ANK3: variants seen among roughly 807,000 people sequenced by gnomAD.
ANK3 encodes the protein ankyrin 3.
Under a neutral mutation model 370.9 loss-of-function variants are expected in ANK3, and 57 were observed. The ratio of observed to expected loss-of-function variants is 0.15; its 90% confidence interval spans 0.12 to 0.19. The LOEUF is 0.19. ANK3 is among the 10% of genes least tolerant of loss of function. The probability of loss-of-function intolerance (pLI) is 1.00; values close to 1 mark genes in which losing one functional copy is unlikely to be tolerated. For missense variants in ANK3, 4,439 were observed against 5,302.1 expected, an observed-to-expected ratio of 0.84 and a Z score of 5.06; for synonymous variants, 1,929 against 1,946.3, an observed-to-expected ratio of 0.99 and a Z score of 0.23.
At position 60,226,495 on chromosome 10, in the gene ANK3, AC is replaced by A. The variant is rs1215025635; in HGVS notation, c.897+8192del. On this transcript the variant is annotated intron_variant, in intron 8 of 43. Coordinates refer to ENST00000280772, the MANE Select transcript of ANK3 (RefSeq NM_020987.5). ...GTATATATACTATATATATACATAT[AC>A]TATAGTATATATACATAGTATATAT... 1.7e-3 allele frequency among the ~76,000 whole-genome samples: 152 copies of A among 92,036 alleles called. 2 individuals are homozygous for A. The highest frequency in any genetic ancestry group is 9.5e-3 in the African/African-American group (144 of 15,154). The allele number at this position is 92,036 out of a possible 152,430, so 60.4% of individuals were successfully genotyped here. A position where few individuals can be genotyped will look rare whatever the true frequency, so the allele number is the denominator to read the frequency against.
chr10:60,384,400 T>A (rs2061971016), intron 1 of ANK3, among the ~76,000 whole-genome samples: 1 of 152,260 alleles, frequency 6.6e-6, no homozygotes, highest in African/African-American at 2.4e-5. Flanking sequence ...CGTTTAAAGT[T>A]TCACATGTCT....
chr10:60,163,380 C>G (rs1034245374), intron 23 of ANK3, among the ~76,000 whole-genome samples: 4 of 152,198 alleles, frequency 2.6e-5, no homozygotes, highest in South Asian at 4.1e-4. Flanking sequence ...TAAAACCCTG[C>G]CTTGGACAAA....
At chr10:60,204,638 A>T (rs1259451765) in intron 11 of ANK3, among the ~76,000 whole-genome samples, 1 of 152,186 alleles carries the variant, frequency 6.6e-6, no homozygotes, top group African/African-American at 2.4e-5. Flanking sequence ...ATAGTTAAGC[A>T]TCAGGCATTC....
chr10:60,390,508 C>T (rs563303825), upstream of ANK3, among the ~76,000 whole-genome samples: 132 of 152,230 alleles, frequency 8.7e-4, no homozygotes, highest in Admixed American at 1.5e-3. Flanking sequence ...CCTGAGTTCT[C>T]AATGACTGCA....
At chr10:60,506,006 A>G (rs1264241072) in intron 2 of ANK3, among the ~76,000 whole-genome samples, 1 of 152,094 alleles carries the variant, frequency 6.6e-6, no homozygotes, top group Non-Finnish European at 1.5e-5. Context: ...TTCTCCACCC[A>G]ATTAAGTATT....
intron 42 of ANK3, chr10:60,053,634 T>C (rs1317007757): frequency 7.8e-7 from 1 of 1,287,468 alleles, no homozygotes; most frequent in East Asian, 5.7e-5. Flanking sequence ...CTCTTTGCCA[T>C]GGGTTGCTGC....
At chr10:60,397,139 C>T (rs1320473696) in intron 2 of ANK3, among the ~76,000 whole-genome samples, 3 of 149,596 alleles carry the variant, frequency 2.0e-5, no homozygotes, top group African/African-American at 7.4e-5. Flanking sequence ...AGCAAAGGAT[C>T]TTATCTCTAG....
At chr10:60,564,154 T>C (rs182180999) in intron 2 of ANK3, among the ~76,000 whole-genome samples, 3 of 152,324 alleles carry the variant, frequency 2.0e-5, no homozygotes, top group African/African-American at 4.8e-5. Flanking sequence ...CTACTGACTA[T>C]AAAATGGATA....
At chr10:60,128,744 T>G (rs909482139) in intron 25 of ANK3, among the ~76,000 whole-genome samples, 4 of 152,162 alleles carry the variant, frequency 2.6e-5, no homozygotes, top group Admixed American at 6.5e-5. Context: ...ATAAACAACT[T>G]AATACTGCTA....
chr10:60,348,274 T>C (rs117704797), intron 1 of ANK3, among the ~76,000 whole-genome samples: 3,639 of 148,624 alleles, frequency 0.024, 64 homozygotes, highest in Non-Finnish European at 0.037. Flanking sequence ...CACAGAAACC[T>C]GCTGGGATGT....
intron 1 of ANK3, among the ~76,000 whole-genome samples, chr10:60,303,781 G>A (rs2044341634): frequency 6.6e-6 from 1 of 152,072 alleles, no homozygotes; most frequent in Admixed American, 6.6e-5. Context: ...AGAGATATTT[G>A]CACTCCTGTG....
chr10:60,331,600 C>G (rs893210474), intron 1 of ANK3, among the ~76,000 whole-genome samples: 1 of 151,186 alleles, frequency 6.6e-6, no homozygotes, highest in Non-Finnish European at 1.5e-5. Flanking sequence ...AAAAGACTCT[C>G]ATTGCAGCGA....
At chr10:60,677,253 A>G (rs1048233921) in intron 1 of ANK3, among the ~76,000 whole-genome samples, 1 of 152,192 alleles carries the variant, frequency 6.6e-6, no homozygotes, top group Non-Finnish European at 1.5e-5. Context: ...GAACTGAATG[A>G]CCACAATTTA....
intron 7 of ANK3, among the ~76,000 whole-genome samples, chr10:60,254,409 C>A (rs1289170686): frequency 6.6e-6 from 1 of 152,124 alleles, no homozygotes; most frequent in East Asian, 1.9e-4. Context: ...AGGAGTTTGC[C>A]ACACTCTTAC....
rs2094820791 is a variant in ANK3 at position 60,146,319 on chromosome 10, T to A, written c.2615-7232A>T. Among the ~76,000 whole-genome samples the A allele has an allele frequency of 2.0e-5, 3 of 152,168 alleles. No homozygotes were observed. The South Asian group carries it at 6.2e-4, about 32-fold the overall frequency. On this transcript the variant is annotated intron_variant, in intron 23 of 43. Coordinates refer to ENST00000280772, the MANE Select transcript of ANK3 (RefSeq NM_020987.5). ...GCTATTAATGTGGTACTTCTAGTAG[T>A]TTCAGGGGTACGTGTGCAGGTTTGT...
chr10:60,071,023 C>T lies in ANK3; in HGVS notation c.9858G>A (p.Leu3286=), dbSNP rs1388858137. ...EKEVDMIEVN[L]QDEHDKYQLA... ...GCTGGTACTTGTCATGCTCATCTTG[C>T]AGATTGACTTCAATCATGTCAACCT... is the stretch of plus-strand genomic sequence containing the variant. The change falls in exon 37 of 44, where the codon CTG becomes CTA. Residue 3286 remains leucine (L), a synonymous_variant. Coordinates refer to ENST00000280772, the MANE Select transcript of ANK3 (RefSeq NM_020987.5). 6.2e-7 allele frequency: 1 copy of T among 1,614,104 alleles called. No individual in the cohort carries two copies. The highest frequency in any genetic ancestry group is 1.1e-5 in the South Asian group (1 of 91,090).
At chr10:60,482,968 T>C (rs2075262491) in intron 2 of ANK3, among the ~76,000 whole-genome samples, 1 of 152,226 alleles carries the variant, frequency 6.6e-6, no homozygotes, top group South Asian at 2.1e-4. Flanking sequence ...ATTTTCTAAA[T>C]GTTGAGCATC....
intron 2 of ANK3, among the ~76,000 whole-genome samples, chr10:60,555,392 G>A (rs1210352458): frequency 6.6e-6 from 1 of 151,974 alleles, no homozygotes; most frequent in Non-Finnish European, 1.5e-5. Flanking sequence ...AGGATCACTT[G>A]AGCCCAGGAG....
At chr10:60,333,675 C>A (rs878952259) in intron 1 of ANK3, among the ~76,000 whole-genome samples, 1 of 152,118 alleles carries the variant, frequency 6.6e-6, no homozygotes, top group East Asian at 1.9e-4. Flanking sequence ...AATGGGATTG[C>A]TGGGTCAAAT....
Sources: allele counts gnomAD v4.1 joint callset (sites outside exome capture counted in the v4.1 genomes callset), GRCh38; gene constraint gnomAD v4.1.1; transcripts MANE v1.5; gene names NCBI Gene and HGNC (gene_info 2026-07-23, HGNC 2026-07-21).